The following LRRC4C variants were observed in gnomAD, a reference collection of about 807,000 sequenced individuals.
LRRC4C encodes leucine rich repeat containing 4C.
LRRC4C carries 5 observed loss-of-function variants against 33.6 expected under a neutral mutation model. That is an observed-to-expected ratio of 0.15 (90% CI 0.08 to 0.31). The LOEUF is 0.31. LRRC4C is among the 10% of genes least tolerant of loss of function. The pLI is 1.00. For missense variants in LRRC4C, 560 were observed against 796.7 expected, an observed-to-expected ratio of 0.70 and a Z score of 3.58; for synonymous variants, 329 against 302.0, an observed-to-expected ratio of 1.09 and a Z score of -0.93.
chr11:40,294,304 A>C (rs2136610411), intron 4 of LRRC4C, among the ~76,000 whole-genome samples: 1 of 151,978 alleles, frequency 6.6e-6, no homozygotes, highest in South Asian at 2.1e-4. Flanking sequence ...TCTAAAAGCA[A>C]CCCCCACGCT....
At chr11:40,578,660 A>G (rs1565522717) in intron 3 of LRRC4C, among the ~76,000 whole-genome samples, 1 of 152,198 alleles carries the variant, frequency 6.6e-6, no homozygotes, top group Non-Finnish European at 1.5e-5. Flanking sequence ...ACTAACTGGA[A>G]CACAGACCAT....
At chr11:41,372,263 G>A (rs1266457179) in intron 1 of LRRC4C, among the ~76,000 whole-genome samples, 1 of 152,200 alleles carries the variant, frequency 6.6e-6, no homozygotes, top group Non-Finnish European at 1.5e-5. Context: ...CAAAAAGAGA[G>A]CAACTAAGTA....
intron 1 of LRRC4C, among the ~76,000 whole-genome samples, chr11:41,408,962 C>A (rs575753673): frequency 6.6e-6 from 1 of 152,082 alleles, no homozygotes; most frequent in Non-Finnish European, 1.5e-5. Flanking sequence ...AGCTTTCTGT[C>A]GGGCAACCTG....
chr11:40,411,322 A>C (rs1420655798), intron 3 of LRRC4C, among the ~76,000 whole-genome samples: 2 of 152,140 alleles, frequency 1.3e-5, no homozygotes, highest in Non-Finnish European at 1.5e-5. Flanking sequence ...ATTTTAGAGT[A>C]TTTTTAATTT....
chr11:40,599,186 T>C (rs1959706549), intron 3 of LRRC4C, among the ~76,000 whole-genome samples: 2 of 152,042 alleles, frequency 1.3e-5, no homozygotes, highest in Non-Finnish European at 2.9e-5. Flanking sequence ...TGGTGACTCA[T>C]GTCTGTAATC....
intron 2 of LRRC4C, among the ~76,000 whole-genome samples, chr11:40,742,862 T>C (rs998149014): frequency 6.6e-6 from 1 of 152,030 alleles, no homozygotes; most frequent in Non-Finnish European, 1.5e-5. Context: ...TTATAATATG[T>C]GAGTACAGAG....
In LRRC4C at chr11:41,440,495, A is replaced by G. The variant is rs138883853; in HGVS notation, c.-496+18936T>C. Among the ~76,000 whole-genome samples the G allele has an allele frequency of 2.6e-5, 4 of 152,296 alleles. No individual in the cohort carries two copies. The East Asian group carries it at 7.7e-4, about 29-fold the overall frequency. ...GAGAACTATGTAAGCTTTTTTAAAAAAAGCACAAATCAAATGACAGTTACG... is the reference window on the plus strand; with the variant it reads ...GAGAACTATGTAAGCTTTTTTAAAAGAAGCACAAATCAAATGACAGTTACG... On this transcript the variant is annotated intron_variant, in intron 1 of 6. Transcript: ENST00000528697.
chr11:41,337,506 A>T (rs957498310), intron 1 of LRRC4C, among the ~76,000 whole-genome samples: 1 of 152,084 alleles, frequency 6.6e-6, no homozygotes, highest in African/African-American at 2.4e-5. Context: ...CTGAAATTGG[A>T]CCCCTCCCTT....
At chr11:40,459,850 C>A (rs918881212) in intron 3 of LRRC4C, among the ~76,000 whole-genome samples, 3 of 152,158 alleles carry the variant, frequency 2.0e-5, no homozygotes, top group African/African-American at 7.2e-5. Flanking sequence ...TGCTGGCTAC[C>A]TTTTCGCCCC....
chr11:40,462,622 A>G (rs184335750), intron 3 of LRRC4C, among the ~76,000 whole-genome samples: 1 of 152,246 alleles, frequency 6.6e-6, no homozygotes, highest in East Asian at 1.9e-4. Flanking sequence ...AAAAATACAC[A>G]CACAAATAAA....
At chr11:40,534,472 G>C (rs919625764) in intron 3 of LRRC4C, among the ~76,000 whole-genome samples, 1 of 152,132 alleles carries the variant, frequency 6.6e-6, no homozygotes, top group African/African-American at 2.4e-5. Flanking sequence ...AGAGTCAGAA[G>C]CCTTGTTTGC....
At chr11:40,653,092 G>T (rs374033294) in intron 2 of LRRC4C, among the ~76,000 whole-genome samples, 2 of 152,292 alleles carry the variant, frequency 1.3e-5, no homozygotes, top group African/African-American at 4.8e-5. Context: ...TTAAACTTCT[G>T]TTATAAATAA....
At chr11:41,099,109 T>C (rs1940999196) in intron 1 of LRRC4C, among the ~76,000 whole-genome samples, 1 of 151,904 alleles carries the variant, frequency 6.6e-6, no homozygotes, top group South Asian at 2.1e-4. Flanking sequence ...TTCCTGGACA[T>C]GTATACCCTC....
rs184824194 is a variant in LRRC4C at position 41,332,319 on chromosome 11, T to C, written c.-496+127112A>G. ...TGTCAATTGTGTAAGCATGATACATTTAAATAATATAATACTTTAGGGTTT... is the reference window on the plus strand; with the variant it reads ...TGTCAATTGTGTAAGCATGATACATCTAAATAATATAATACTTTAGGGTTT... On this transcript the variant is annotated intron_variant, in intron 1 of 6. Transcript: ENST00000528697. Among the ~76,000 whole-genome samples the C allele has an allele frequency of 2.6e-5, 4 of 152,272 alleles. No individual in the cohort carries two copies. In the East Asian group the frequency reaches 5.8e-4, roughly 22 times the overall value.
chr11:40,986,107 AT>A, intron 1 of LRRC4C, among the ~76,000 whole-genome samples: 1 of 152,326 alleles, frequency 6.6e-6, no homozygotes, highest in Middle Eastern at 3.4e-3. Flanking sequence ...TATTTGCAAC[AT>A]TTCTGTGAAT....
chr11:40,624,380 G>A (rs1210078226), intron 3 of LRRC4C, among the ~76,000 whole-genome samples: 1 of 152,074 alleles, frequency 6.6e-6, no homozygotes, highest in Admixed American at 6.6e-5. Flanking sequence ...GAGGAATAAA[G>A]TTATTTTCTG....
intron 3 of LRRC4C, among the ~76,000 whole-genome samples, chr11:40,555,406 A>G (rs1388354169): frequency 2.0e-5 from 3 of 152,230 alleles, no homozygotes; most frequent in Non-Finnish European, 2.9e-5. Context: ...ATGCCAATTC[A>G]AACAGATATT....
intron 3 of LRRC4C, among the ~76,000 whole-genome samples, chr11:40,439,486 T>C (rs1590739592): frequency 1.4e-5 from 2 of 147,468 alleles, no homozygotes; most frequent in South Asian, 2.2e-4. Flanking sequence ...CGGAGTCTCA[T>C]TCTGTCGCCC....
At chr11:41,108,240 T>C (rs898677575) in intron 1 of LRRC4C, among the ~76,000 whole-genome samples, 1 of 152,086 alleles carries the variant, frequency 6.6e-6, no homozygotes, top group South Asian at 2.1e-4. Flanking sequence ...CATCAGAGCA[T>C]ACATGCAGGC....
Sources: allele counts gnomAD v4.1 joint callset (sites outside exome capture counted in the v4.1 genomes callset), GRCh38; gene constraint gnomAD v4.1.1; transcripts MANE v1.5; gene names NCBI Gene and HGNC (gene_info 2026-07-23, HGNC 2026-07-21).